The following INIP variants were observed in gnomAD, a reference collection of about 807,000 sequenced individuals.
INIP encodes INTS3 and NABP interacting protein.
A neutral mutation model predicts 14.0 loss-of-function variants in INIP; 9 were observed. The ratio of observed to expected loss-of-function variants is 0.64; its 90% CI spans 0.39 to 1.12. INIP has a LOEUF of 1.12. Among genes scored for constraint, INIP ranks in the 50% most tolerant of loss-of-function variants. The pLI, the probability that INIP is intolerant of heterozygous loss-of-function variation, is 0.01. For missense variants in INIP, 78 were observed against 122.7 expected (o/e 0.64, Z 1.72); for synonymous variants, 37 against 41.5 (o/e 0.89, Z 0.41).
chr9:112,694,570 T>C (rs1392427579), intron 2 of INIP, among the ~76,000 whole-genome samples: 4 of 152,222 alleles, frequency 2.6e-5, no homozygotes, highest in African/African-American at 9.6e-5. Flanking sequence ...AACAAAATCT[T>C]TGAGGACCCA....
intron 2 of INIP, among the ~76,000 whole-genome samples, chr9:112,709,109 C>A (rs552788975): frequency 6.6e-6 from 1 of 152,100 alleles, no homozygotes; most frequent in Admixed American, 6.6e-5. Context: ...ACTACTGCCA[C>A]TTTTTCTACC....
At chr9:112,695,853 GAGAAGAAGAAGGAGA>G (rs1564227600) in intron 2 of INIP, among the ~76,000 whole-genome samples, 5 of 150,056 alleles carry the variant, frequency 3.3e-5, no homozygotes, top group Admixed American at 1.3e-4. Flanking sequence ...GAAGAAGAAG[GAGAAGAAGAAGGAGA>G]AGAAGAAGGA....
At chr9:112,716,130 T>C (rs1320204436) in intron 2 of INIP, among the ~76,000 whole-genome samples, 1 of 152,176 alleles carries the variant, frequency 6.6e-6, no homozygotes, top group African/African-American at 2.4e-5. Flanking sequence ...TGCAGTGCAG[T>C]GGTGCAATCT....
rs1214998854 is a variant in INIP at position 112,687,321 on chromosome 9, C to T, written c.*217G>A. Reference sequence around the variant, plus strand: ...CAGCATTACAAAAAAGTTACAGTCACGGTACATAATCAATTCCTTGGACGA... The same window carrying T: ...CAGCATTACAAAAAAGTTACAGTCATGGTACATAATCAATTCCTTGGACGA... On this transcript the variant is annotated 3_prime_UTR_variant, in exon 5 of 5. Coordinates refer to ENST00000374242, the MANE Select transcript of INIP (RefSeq NM_021218.3). 5 of 420,298 alleles carry T rather than the reference C, an allele frequency of 1.2e-5. No individual in the cohort carries two copies. Among genetic ancestry groups the T allele is most frequent in the South Asian group, 4.3e-5 (1 of 23,018 alleles). 26.0% of individuals were successfully genotyped at this position (420,298 alleles called of 1,614,324 possible).
intron 2 of INIP, among the ~76,000 whole-genome samples, chr9:112,712,855 A>G (rs1243157169): frequency 6.6e-6 from 1 of 152,246 alleles, no homozygotes; most frequent in African/African-American, 2.4e-5. Context: ...AGTGAAAGAC[A>G]TCAACCTACA....
intron 2 of INIP, among the ~76,000 whole-genome samples, chr9:112,705,231 T>C (rs1391946834): frequency 6.6e-6 from 1 of 151,954 alleles, no homozygotes; most frequent in Non-Finnish European, 1.5e-5. Context: ...ACAGACAGTA[T>C]AATTAATTAT....
chr9:112,700,956 G>GA (rs1424207729), intron 2 of INIP, among the ~76,000 whole-genome samples: 1 of 151,842 alleles, frequency 6.6e-6, no homozygotes, highest in African/African-American at 2.4e-5. Flanking sequence ...GTCTCAAAAA[G>GA]AAAAAACAGA....
chr9:112,708,689 C>T (rs188917610), intron 2 of INIP, among the ~76,000 whole-genome samples: 46 of 151,880 alleles, frequency 3.0e-4, no homozygotes, highest in Non-Finnish European at 5.0e-4. Flanking sequence ...GTTGACAGGG[C>T]TGCATTCATT....
chr9:112,684,678 G>T lies in INIP; in HGVS notation c.*2860C>A, dbSNP rs895624392. On this transcript the variant is annotated 3_prime_UTR_variant, in exon 5 of 5. Transcript: ENST00000374242. ...TGTTTTTGATTTTTTCGGAAAAAAT[G>T]CTGGTCAATCCTGTTAAACCATTAA... 1.3e-5 allele frequency: 2 copies of T among 152,146 alleles called. No homozygotes were observed. Among genetic ancestry groups the T allele is most frequent in the African/African-American group, 4.8e-5 (2 of 41,438 alleles). 9.4% of individuals were successfully genotyped at this position (152,146 alleles called of 1,614,324 possible). A position where few individuals can be genotyped will look rare whatever the true frequency, so the allele number is the denominator to read the frequency against.
At chr9:112,715,880 A>T (rs947257483) in intron 2 of INIP, among the ~76,000 whole-genome samples, 1 of 151,020 alleles carries the variant, frequency 6.6e-6, no homozygotes, top group African/African-American at 2.5e-5. Flanking sequence ...AAATGAAGAC[A>T]CAAACAAACA....
rs1001689650 is a variant in INIP, at chr9:112,687,208, C to T, written c.*330G>A. 1 of 187,038 alleles carries T rather than the reference C, an allele frequency of 5.3e-6. No homozygotes were observed. The highest frequency in any genetic ancestry group is 2.2e-3 in the Middle Eastern group (1 of 456). The allele number at this position is 187,038 out of a possible 1,614,324, so 11.6% of individuals were successfully genotyped here. On this transcript the variant is annotated 3_prime_UTR_variant, in exon 5 of 5. Coordinates refer to ENST00000374242, the MANE Select transcript of INIP (RefSeq NM_021218.3). ...ACTATAAATGATTCTTGAAAATCTA[C>T]TGTGGACATGATATATTCAGTCAAA...
chr9:112,697,326 T>TA (rs1047485256), intron 2 of INIP, among the ~76,000 whole-genome samples: 89 of 152,320 alleles, frequency 5.8e-4, no homozygotes, highest in African/African-American at 2.0e-3. Context: ...CTGGGCAACT[T>TA]AAAACAACTA....
intron 3 of INIP, among the ~76,000 whole-genome samples, chr9:112,689,912 C>T (rs981426751): frequency 6.6e-6 from 1 of 152,076 alleles, no homozygotes; most frequent in African/African-American, 2.4e-5. Context: ...AAGTATGTAT[C>T]ATTAACTATA....
At chr9:112,705,974 C>A (rs1199827313) in intron 2 of INIP, among the ~76,000 whole-genome samples, 1 of 152,160 alleles carries the variant, frequency 6.6e-6, no homozygotes, top group East Asian at 1.9e-4. Context: ...GTTACGAACA[C>A]CCTCTGGTGG....
rs1446764803 is a variant in INIP, at chr9:112,687,024, T to C, written c.*514A>G. 6.6e-6 allele frequency: 1 copy of C among 152,306 alleles called. No homozygotes were observed. Among genetic ancestry groups the C allele is most frequent in the Non-Finnish European group, 1.5e-5 (1 of 68,110 alleles). The allele number at this position is 152,306 out of a possible 1,614,324, so 9.4% of individuals were successfully genotyped here. On this transcript the variant is annotated 3_prime_UTR_variant, in exon 5 of 5. Transcript: ENST00000374242. ...TGTTTTAAAGTGAAAAAGGGGGAAGTAGTTATAAGTCCAGAAAGAATATTT... is the reference window on the plus strand; with the variant it reads ...TGTTTTAAAGTGAAAAAGGGGGAAGCAGTTATAAGTCCAGAAAGAATATTT...
At chr9:112,694,818 A>G (rs1838018103) in intron 2 of INIP, among the ~76,000 whole-genome samples, 1 of 152,252 alleles carries the variant, frequency 6.6e-6, no homozygotes, top group South Asian at 2.1e-4. Context: ...ATTCTGAGAA[A>G]GAAATGGAGC....
intron 2 of INIP, among the ~76,000 whole-genome samples, chr9:112,711,756 G>A (rs1838654777): frequency 6.6e-6 from 1 of 152,174 alleles, no homozygotes; most frequent in Non-Finnish European, 1.5e-5. Flanking sequence ...GTATTAGCTG[G>A]TTACTGCTGG....
chr9:112,689,634 G>C lies in INIP; in HGVS notation c.129-17C>G. On this transcript the variant is annotated splice_polypyrimidine_tract_variant and intron_variant, in intron 3 of 4. Coordinates refer to ENST00000374242, the MANE Select transcript of INIP (RefSeq NM_021218.3). ...AGTGCAATGCTAAAATGGGAATCTT[G>C]GTTACTCAGCTGCTTAAGGCAGAAA... 6.3e-7 allele frequency: 1 copy of C among 1,596,462 alleles called. No homozygotes were observed. The highest frequency in any genetic ancestry group is 8.6e-7 in the Non-Finnish European group (1 of 1,163,970).
At chr9:112,689,464 T>C (rs1837799042) in intron 4 of INIP, 63 bp downstream of exon 4, 1 of 1,231,830 alleles carries the variant, frequency 8.1e-7, no homozygotes, top group Non-Finnish European at 1.2e-6. Flanking sequence ...AAAATAACTA[T>C]GTGCCGGCTT....
Sources: gnomAD v4.1 joint callset for allele counts (sites outside exome capture counted in the v4.1 genomes callset) on GRCh38, gnomAD v4.1.1 for gene constraint, MANE v1.5 for transcripts, NCBI Gene and HGNC (gene_info 2026-07-23, HGNC 2026-07-21) for gene names.